Variants in PTK2 observed in about 807,000 individuals in gnomAD.
PTK2 encodes the protein protein tyrosine kinase 2, also known as focal adhesion kinase 1.
In PTK2, 45 loss-of-function variants were observed where a neutral mutation model predicts 150.1. The ratio of observed to expected loss-of-function variants is 0.30; its 90% CI spans 0.24 to 0.38. The LOEUF is 0.38. Among genes scored for constraint, PTK2 ranks in the 10% least tolerant of loss-of-function variants. The probability of loss-of-function intolerance (pLI) is 1.00; values close to 1 mark genes in which losing one functional copy is unlikely to be tolerated. For synonymous variants in PTK2, 432 were observed against 449.2 expected, an observed-to-expected ratio of 0.96 and a Z score of 0.48; for missense variants, 919 against 1,307.3, an observed-to-expected ratio of 0.70 and a Z score of 4.58.
In PTK2 at chr8:140,922,720, A is replaced by T. The variant is rs2100167990; in HGVS notation, c.-33+2941T>A. ...TTACAACTAATTTTCACATCTTTTA[A>T]ACAAACTTGGTATTACAATTCTTTT... On this transcript the variant is annotated intron_variant, in intron 2 of 31. Transcript: ENST00000522684. 2.6e-5 allele frequency among the ~76,000 whole-genome samples: 4 copies of T among 152,336 alleles called. No homozygotes were observed. In the East Asian group the frequency reaches 7.7e-4, roughly 29 times the overall value.
At chr8:140,958,434 C>T (rs1397277738) in intron 1 of PTK2, among the ~76,000 whole-genome samples, 1 of 152,136 alleles carries the variant, frequency 6.6e-6, no homozygotes, top group African/African-American at 2.4e-5. Flanking sequence ...AGCCACCATG[C>T]CAAGCCTAAT....
intron 10 of PTK2, among the ~76,000 whole-genome samples, chr8:140,816,155 A>G (rs2100104575): frequency 2.0e-5 from 3 of 152,332 alleles, no homozygotes; most frequent in South Asian, 4.1e-4. Context: ...ATGTTAAACA[A>G]TAATCAAGAA....
chr8:140,996,621 G>T (rs964196611), intron 1 of PTK2, among the ~76,000 whole-genome samples: 1 of 152,184 alleles, frequency 6.6e-6, no homozygotes, highest in Admixed American at 6.6e-5. Context: ...TAAGAACGAT[G>T]CTAATTCTAC....
At chr8:140,721,142 C>T (rs1203980739) in intron 22 of PTK2, among the ~76,000 whole-genome samples, 1 of 151,966 alleles carries the variant, frequency 6.6e-6, no homozygotes, top group African/African-American at 2.4e-5. Context: ...CTCCTGCGTT[C>T]CAGAGTAACT....
chr8:140,947,553 G>T lies in PTK2; in HGVS notation c.-121-21804C>A, dbSNP rs1030687552. Among the ~76,000 whole-genome samples, 3 of 151,912 alleles carry T rather than the reference G, an allele frequency of 2.0e-5. No individual in the cohort carries two copies. In the East Asian group the frequency reaches 5.8e-4, roughly 29 times the overall value. On this transcript the variant is annotated intron_variant, in intron 1 of 31. Coordinates refer to ENST00000522684, the Ensembl canonical transcript of PTK2. ...ACCCCACCTCCTAAAATCCTCAGTG[G>T]TTTCAACTTCAAGGTGGTAGAGTAA...
At chr8:140,686,637 C>G in exon 27 of PTK2, 1 of 1,613,436 alleles carries the variant, frequency 6.2e-7, no homozygotes, top group Non-Finnish European at 8.5e-7. Flanking sequence ...CTTACCGGAC[C>G]CTGAAGACTT....
Position 140,693,564 on chromosome 8 carries a change from T to TTAAAAAAAAAAAAAAAAA in PTK2, c.2500-6871_2500-6870insTTTTTTTTTTTTTTTTTA, listed in dbSNP as rs1181421194. 1.1e-4 allele frequency among the ~76,000 whole-genome samples: 8 copies of TTAAAAAAAAAAAAAAAAA among 72,458 alleles called. 3 individuals are homozygous for TTAAAAAAAAAAAAAAAAA. The highest frequency in any genetic ancestry group is 4.8e-4 in the African/African-American group (8 of 16,620). The allele number at this position is 72,458 out of a possible 152,430, so 47.5% of individuals were successfully genotyped here. ...CCACAGAGTGAGACTTTGTCTCAAT[T>TTAAAAAAAAAAAAAAAAA]AAAAAAAAAAAAAAAAAAAAAAAAA... is the stretch of plus-strand genomic sequence containing the variant. On this transcript the variant is annotated intron_variant, in intron 26 of 31. Transcript: ENST00000522684.
chr8:140,769,681 C>A, intron 14 of PTK2, 89 bp from the exon 16 acceptor site: 5 of 848,438 alleles, frequency 5.9e-6, no homozygotes, highest in South Asian at 1.6e-5. Flanking sequence ...GAGGGGAAAA[C>A]ACTATTAAAA....
chr8:140,840,783 G>C (rs1033950939), intron 7 of PTK2, among the ~76,000 whole-genome samples: 1 of 152,120 alleles, frequency 6.6e-6, no homozygotes, highest in East Asian at 1.9e-4. Flanking sequence ...AAATACAGAT[G>C]TACTAAACCT....
intron 10 of PTK2, among the ~76,000 whole-genome samples, chr8:140,809,015 G>A (rs2100099860): frequency 6.6e-6 from 1 of 152,076 alleles, no homozygotes; most frequent in Non-Finnish European, 1.5e-5. Context: ...TTACAGGCAT[G>A]AGCCACGGTG....
intron 30 of PTK2, among the ~76,000 whole-genome samples, chr8:140,667,524 C>T (rs536891174): frequency 2.0e-5 from 3 of 149,552 alleles, no homozygotes; most frequent in East Asian, 3.9e-4. Context: ...TGGTCTTGAA[C>T]TTCTGACCTC....
intron 23 of PTK2, among the ~76,000 whole-genome samples, chr8:140,708,319 C>T (rs1187191677): frequency 3.3e-5 from 5 of 152,152 alleles, no homozygotes; most frequent in Non-Finnish European, 5.9e-5. Context: ...TTTGCTTATA[C>T]TGTCCCCTCT....
At chr8:140,954,781 A>G (rs992111327) in intron 1 of PTK2, 3 of 152,332 alleles carry the variant, frequency 2.0e-5, no homozygotes, top group Middle Eastern at 3.4e-3. Context: ...AAATCAAATG[A>G]CAATTTAAAA....
chr8:140,929,864 G>C (rs1162690230), intron 1 of PTK2, among the ~76,000 whole-genome samples: 2 of 151,868 alleles, frequency 1.3e-5, no homozygotes, highest in Non-Finnish European at 2.9e-5. Context: ...CAAGCATAAA[G>C]GGCTTTGAGA....
intron 15 of PTK2, among the ~76,000 whole-genome samples, chr8:140,761,717 T>C (rs2100069537): frequency 6.6e-6 from 1 of 152,102 alleles, no homozygotes; most frequent in Non-Finnish European, 1.5e-5. Context: ...AATTATGTCA[T>C]AAGTAAACTT....
chr8:140,879,687 A>AC (rs2100147901), intron 3 of PTK2, 50 bp from the exon 4 acceptor site: 1 of 1,265,520 alleles, frequency 7.9e-7, no homozygotes, highest in Non-Finnish European at 1.0e-6. Context: ...AAAAAAAAAA[A>AC]AAAAAAAAAA....
At chr8:140,855,857 G>A (rs2100132251) in intron 5 of PTK2, among the ~76,000 whole-genome samples, 1 of 152,068 alleles carries the variant, frequency 6.6e-6, no homozygotes. Flanking sequence ...GGTGGGGATG[G>A]TTGTGCAATA....
intron 1 of PTK2, among the ~76,000 whole-genome samples, chr8:140,977,016 T>C (rs1008906923): frequency 2.6e-5 from 4 of 152,230 alleles, no homozygotes; most frequent in African/African-American, 9.6e-5. Flanking sequence ...CACTTTAAAA[T>C]AAATCATGAA....
At chr8:140,787,387 C>T (rs191786654) in intron 14 of PTK2, among the ~76,000 whole-genome samples, 51 of 152,244 alleles carry the variant, frequency 3.3e-4, no homozygotes, top group African/African-American at 1.2e-3. Flanking sequence ...TGAGATGATA[C>T]ATGTACAAGA....
Sources: gnomAD v4.1 joint callset for allele counts (sites outside exome capture counted in the v4.1 genomes callset) on GRCh38, gnomAD v4.1.1 for gene constraint, MANE v1.5 for transcripts, NCBI Gene and HGNC (gene_info 2026-07-23, HGNC 2026-07-21) for gene names.